The following WDFY3 variants were observed in gnomAD, a reference collection of about 807,000 sequenced individuals.
WDFY3 encodes WD repeat and FYVE domain-containing protein 3.
In WDFY3, 66 loss-of-function variants were observed where a neutral mutation model predicts 409.6. The observed-to-expected ratio is 0.16, with a 90% CI of 0.13 to 0.20. The LOEUF (loss-of-function observed/expected upper bound fraction) is 0.20, where lower values mean the gene tolerates loss of function less well. WDFY3 is among the 10% of genes least tolerant of loss of function. The pLI is 1.00. For synonymous variants in WDFY3, 1,521 were observed against 1,537.1 expected, an observed-to-expected ratio of 0.99 and a Z score of 0.25; for missense variants, 3,031 against 4,298.1, an observed-to-expected ratio of 0.71 and a Z score of 8.24.
chr4:84,883,114 G>T (rs1763759625), intron 3 of WDFY3, among the ~76,000 whole-genome samples: 1 of 152,076 alleles, frequency 6.6e-6, no homozygotes. Flanking sequence ...AAGAGTGGAG[G>T]GGTAGACGAA....
intron 2 of WDFY3, among the ~76,000 whole-genome samples, chr4:84,900,258 C>T (rs1579048393): frequency 1.3e-5 from 2 of 152,008 alleles, no homozygotes; most frequent in African/African-American, 4.8e-5. Context: ...CAGGATCTTG[C>T]TCAATCTCCC....
intron 1 of WDFY3, among the ~76,000 whole-genome samples, chr4:84,939,306 T>C (rs1407541218): frequency 6.6e-6 from 1 of 152,172 alleles, no homozygotes; most frequent in Admixed American, 6.6e-5. Context: ...CCTCAGGGTG[T>C]CCTATCTGGA....
intron 3 of WDFY3, among the ~76,000 whole-genome samples, chr4:84,874,090 G>C (rs888884082): frequency 6.6e-6 from 1 of 151,508 alleles, no homozygotes; most frequent in Non-Finnish European, 1.5e-5. Context: ...CTGGTGTCCT[G>C]TTCTTACAGC....
intron 2 of WDFY3, among the ~76,000 whole-genome samples, chr4:84,897,695 CAG>C (rs1765822148): frequency 6.6e-6 from 1 of 152,220 alleles, no homozygotes; most frequent in East Asian, 1.9e-4. Context: ...TCTAAATAAC[CAG>C]AGTGTTCCTA....
intron 5 of WDFY3, among the ~76,000 whole-genome samples, chr4:84,841,767 G>A (rs898633490): frequency 6.6e-6 from 1 of 152,166 alleles, no homozygotes; most frequent in Admixed American, 6.5e-5. Flanking sequence ...GCCTAATTAC[G>A]AAGGAGGGTA....
At position 84,789,822 on chromosome 4, in the gene WDFY3, T is replaced by C. The variant is rs765468989; in HGVS notation, c.3573A>G (p.Gly1191=). 1 of 1,613,998 alleles carries C rather than the reference T, an allele frequency of 6.2e-7. No individual in the cohort carries two copies. Among genetic ancestry groups the C allele is most frequent in the Non-Finnish European group, 8.5e-7 (1 of 1,179,984 alleles). ...RFRCGELIIE[G]QWHHLVLVMS... is the part of the protein sequence containing the mutation. ...TTACCAGGACCAAATGATGCCACTG[T>C]CCCTCAATGATAAGCTCTCCACATC... The change falls in exon 22 of 68, where the codon GGA becomes GGG. Residue 1191 remains glycine (G), a synonymous_variant. Transcript: ENST00000295888.
intron 32 of WDFY3, among the ~76,000 whole-genome samples, chr4:84,757,441 G>A (rs1741659543): frequency 6.6e-6 from 1 of 152,172 alleles, no homozygotes; most frequent in Admixed American, 6.5e-5. Context: ...TTAAGGTGCT[G>A]TAAGTTCTAC....
intron 50 of WDFY3, among the ~76,000 whole-genome samples, chr4:84,714,677 TG>T (rs953574765): frequency 3.3e-5 from 5 of 152,080 alleles, no homozygotes; most frequent in Middle Eastern, 3.4e-3. Context: ...CCGGGCACGG[TG>T]GGTGGCTCAC....
chr4:84,927,793 G>A (rs755822370), intron 2 of WDFY3, among the ~76,000 whole-genome samples: 18 of 152,192 alleles, frequency 1.2e-4, no homozygotes, highest in Non-Finnish European at 2.1e-4. Context: ...CAGCCATGTG[G>A]AACTGTGAAT....
intron 12 of WDFY3, among the ~76,000 whole-genome samples, chr4:84,818,827 G>A (rs796624034): frequency 6.6e-6 from 1 of 152,100 alleles, no homozygotes; most frequent in African/African-American, 2.4e-5. Context: ...GTATGAAATT[G>A]TTTGGCACTT....
In WDFY3 at chr4:84,678,959, G is replaced by C. The variant is rs1335062968; in HGVS notation, c.10107C>G (p.Pro3369=). 1 of 1,614,130 alleles carries C rather than the reference G, an allele frequency of 6.2e-7. No individual in the cohort carries two copies. The part of the protein sequence containing the change: ...HLQGPLSHPH[P]NPIEVRNYSR... The stretch of plus-strand genomic sequence containing the variant: ...TGTAATTCCGCACCTCAATGGGATT[G>C]GGGTGGGGGTGGCTAAGGGGGCCCT... The change falls in exon 65 of 68, where the codon CCC becomes CCG. Residue 3369 remains proline, a synonymous_variant. Coordinates refer to ENST00000295888, the MANE Select transcript of WDFY3 (RefSeq NM_014991.6).
chr4:84,730,657 T>C (rs1241063576), intron 44 of WDFY3, among the ~76,000 whole-genome samples: 5 of 152,132 alleles, frequency 3.3e-5, no homozygotes, highest in African/African-American at 9.7e-5. Flanking sequence ...CAAAATGCAT[T>C]CAAACTGCTC....
intron 58 of WDFY3, 32 bp from the exon 59 acceptor site, chr4:84,693,064 T>C: frequency 6.2e-7 from 1 of 1,600,034 alleles, no homozygotes; most frequent in Admixed American, 1.8e-5. Flanking sequence ...CACTTTATAA[T>C]GAAAGATAAC....
chr4:84,929,715 G>A (rs936088960), intron 2 of WDFY3, among the ~76,000 whole-genome samples: 1 of 152,084 alleles, frequency 6.6e-6, no homozygotes, highest in East Asian at 1.9e-4. Context: ...TTCGAGAACA[G>A]CCTGGCCAAC....
intron 58 of WDFY3, among the ~76,000 whole-genome samples, chr4:84,694,022 T>C (rs1378840536): frequency 6.6e-6 from 1 of 152,092 alleles, no homozygotes; most frequent in Non-Finnish European, 1.5e-5. Context: ...AAACTTTAAA[T>C]GAAATGAGAT....
At chr4:84,913,963 T>C (rs1768121440) in intron 2 of WDFY3, among the ~76,000 whole-genome samples, 1 of 152,150 alleles carries the variant, frequency 6.6e-6, no homozygotes, top group Admixed American at 6.6e-5. Flanking sequence ...AAGACCTTTA[T>C]GATGATCCAC....
intron 5 of WDFY3, among the ~76,000 whole-genome samples, chr4:84,846,815 A>G (rs1758132827): frequency 6.6e-6 from 1 of 151,960 alleles, no homozygotes. Context: ...ACTGATTAGC[A>G]AACCCTAGAA....
At position 84,821,270 on chromosome 4, in the gene WDFY3, G is replaced by A; in HGVS notation, c.1405C>T (p.Leu469Phe). 1.2e-6 allele frequency: 2 copies of A among 1,613,682 alleles called. No individual in the cohort carries two copies. The highest frequency in any genetic ancestry group is 1.7e-6 in the Non-Finnish European group (2 of 1,179,798). ...PCKELISVSI[L>F]LKSSSSYHCS... ...TGATAAGAAGAGCTAGATTTTAAGA[G>A]GATACTGACACTAATAAGTTCTTTA... is the stretch of plus-strand genomic sequence containing the variant. Residue 469 changes from leucine (L) to phenylalanine (F), a missense_variant, in exon 11 of 68, where the codon CTC (leucine) becomes TTC (phenylalanine). By Grantham distance (22) the Leu-to-Phe change is conservative. Coordinates refer to ENST00000295888, the MANE Select transcript of WDFY3 (RefSeq NM_014991.6).
intron 3 of WDFY3, among the ~76,000 whole-genome samples, chr4:84,888,692 C>T (rs1764541960): frequency 6.6e-6 from 1 of 152,134 alleles, no homozygotes; most frequent in South Asian, 2.1e-4. Context: ...GTGTTAGATC[C>T]AGCTTGTACC....
Sources: allele counts gnomAD v4.1 joint callset (sites outside exome capture counted in the v4.1 genomes callset), GRCh38; gene constraint gnomAD v4.1.1; transcripts MANE v1.5; gene names NCBI Gene and HGNC (gene_info 2026-07-23, HGNC 2026-07-21).